RNF216: variants seen among roughly 807,000 people sequenced by gnomAD.
RNF216 encodes ring finger protein 216.
Under a neutral mutation model 110.8 loss-of-function variants are expected in RNF216, and 72 were observed. The observed-to-expected ratio is 0.65, with a 90% confidence interval of 0.54 to 0.79. The LOEUF (loss-of-function observed/expected upper bound fraction) is 0.79, where lower values mean the gene tolerates loss of function less well. Among genes scored for constraint, RNF216 ranks in the 30% least tolerant of loss-of-function variants. The pLI, the probability that RNF216 is intolerant of heterozygous loss-of-function variation, is 0.00. For synonymous variants in RNF216, 495 were observed against 407.5 expected, an observed-to-expected ratio of 1.21 and a Z score of -2.59; for missense variants, 1,342 against 1,141.2, an observed-to-expected ratio of 1.18 and a Z score of -2.54.
intron 13 of RNF216, among the ~76,000 whole-genome samples, chr7:5,684,164 G>A (rs1030750951): frequency 1.5e-5 from 2 of 136,902 alleles, no homozygotes; most frequent in African/African-American, 5.5e-5. Context: ...GTGCAGTGGC[G>A]TGATCTTGGC....
intron 1 of RNF216, among the ~76,000 whole-genome samples, chr7:5,776,357 G>C (rs1168231666): frequency 6.6e-6 from 1 of 151,886 alleles, no homozygotes; most frequent in Admixed American, 6.6e-5. Context: ...GCCAAGGCGG[G>C]CGGATCACGA....
intron 14 of RNF216, among the ~76,000 whole-genome samples, chr7:5,647,154 T>C (rs376050608): frequency 7.9e-5 from 12 of 151,926 alleles, no homozygotes; most frequent in East Asian, 5.8e-4. Flanking sequence ...CTCTGGCAGT[T>C]TTTGCCAGGT....
At chr7:5,663,824 G>T (rs1250558434) in intron 13 of RNF216, among the ~76,000 whole-genome samples, 1 of 152,092 alleles carries the variant, frequency 6.6e-6, no homozygotes, top group African/African-American at 2.4e-5. Context: ...CTTGAACCCA[G>T]AAGGCAGAGG....
intron 13 of RNF216, among the ~76,000 whole-genome samples, chr7:5,677,225 G>A (rs188728650): frequency 2.6e-5 from 4 of 152,312 alleles, no homozygotes; most frequent in South Asian, 2.1e-4. Context: ...TGCTCAGCAC[G>A]TGCTTCTGCA....
intron 14 of RNF216, 86 bp downstream of exon 14, chr7:5,652,327 G>A (rs949194862): frequency 5.9e-5 from 57 of 970,512 alleles, no homozygotes; most frequent in Non-Finnish European, 8.3e-5. Context: ...GTGTTCTTCC[G>A]ACAACAGTAT....
chr7:5,647,328 C>CTTTTTTTTTTTT (rs10617479), intron 14 of RNF216, among the ~76,000 whole-genome samples: 10 of 94,804 alleles, frequency 1.1e-4, no homozygotes, highest in South Asian at 3.8e-4. Context: ...TTCTTTCTTT[C>CTTTTTTTTTTTT]TTTTTTTTTT....
At chr7:5,651,896 C>T (rs1375181407) in intron 14 of RNF216, among the ~76,000 whole-genome samples, 1 of 152,196 alleles carries the variant, frequency 6.6e-6, no homozygotes, top group African/African-American at 2.4e-5. Flanking sequence ...ATCCGCCAGC[C>T]TCGGCCTCCC....
intron 13 of RNF216, among the ~76,000 whole-genome samples, chr7:5,678,806 T>C (rs1388973654): frequency 6.6e-6 from 1 of 152,226 alleles, no homozygotes; most frequent in African/African-American, 2.4e-5. Context: ...ATTTCTCGAC[T>C]CCACTTCATC....
chr7:5,633,631 C>A (rs1787215222), intron 15 of RNF216, among the ~76,000 whole-genome samples: 1 of 152,158 alleles, frequency 6.6e-6, no homozygotes, highest in Non-Finnish European at 1.5e-5. Flanking sequence ...TGCATTTTAA[C>A]AGGGAGGGAG....
chr7:5,652,285 C>T (rs545814803), intron 14 of RNF216, 128 bp downstream of exon 14: 1 of 675,958 alleles, frequency 1.5e-6, no homozygotes, highest in African/African-American at 1.8e-5. Context: ...GATTACTTCC[C>T]CAAGATCACT....
intron 3 of RNF216, among the ~76,000 whole-genome samples, chr7:5,743,642 A>G (rs754768781): frequency 6.6e-6 from 1 of 152,228 alleles, no homozygotes; most frequent in Non-Finnish European, 1.5e-5. Flanking sequence ...AAAAGTATGT[A>G]TATGTACCCA....
chr7:5,628,551 C>G (rs1438243168), intron 15 of RNF216, among the ~76,000 whole-genome samples: 1 of 152,152 alleles, frequency 6.6e-6, no homozygotes, highest in Non-Finnish European at 1.5e-5. Flanking sequence ...GAGACAGTGT[C>G]TTGCTCTGCT....
intron 13 of RNF216, among the ~76,000 whole-genome samples, chr7:5,697,506 T>C (rs571307928): frequency 4.6e-5 from 7 of 152,340 alleles, no homozygotes; most frequent in East Asian, 1.9e-4. Flanking sequence ...CAAACCCTCA[T>C]TGGCCTCTTC....
At position 5,781,210 on chromosome 7, in the gene RNF216, G is replaced by T. The variant is rs537446565; in HGVS notation, c.-70+331C>A. Among the ~76,000 whole-genome samples, 4 of 152,282 alleles carry T rather than the reference G, an allele frequency of 2.6e-5. 2 individuals carry two copies. Among genetic ancestry groups the T allele is most frequent in the African/African-American group, 9.6e-5 (4 of 41,568 alleles). On this transcript the variant is annotated intron_variant, in intron 1 of 16. Coordinates refer to ENST00000389902, the MANE Select transcript of RNF216 (RefSeq NM_207111.4). ...CCTCCGCGGCGGCCTCGGGCCCGGG[G>T]GAGGGAAGCGCGGTCTCCCGGGCTG... is the stretch of plus-strand genomic sequence containing the variant.
At chr7:5,656,819 C>G (rs1288064479) in intron 13 of RNF216, among the ~76,000 whole-genome samples, 1 of 152,070 alleles carries the variant, frequency 6.6e-6, no homozygotes, top group Non-Finnish European at 1.5e-5. Context: ...TCCAGATGAC[C>G]CTATCATGAT....
In RNF216 at chr7:5,622,647, C is replaced by T. The variant is rs1225544699; in HGVS notation, c.*213G>A. On this transcript the variant is annotated 3_prime_UTR_variant, in exon 17 of 17. Coordinates refer to ENST00000389902, the MANE Select transcript of RNF216 (RefSeq NM_207111.4). ...GAGGGGCAGTTCACATCGCAGCTCT[C>T]TCCGAACTCCACCATTTGGGACGTC... The T allele has an allele frequency of 1.2e-5, 7 of 567,494 alleles. No homozygotes were observed. The highest frequency in any genetic ancestry group is 1.9e-5 in the Non-Finnish European group (6 of 320,924). 35.2% of individuals were successfully genotyped at this position (567,494 alleles called of 1,614,324 possible). A position where few individuals can be genotyped will look rare whatever the true frequency, so the allele number is the denominator to read the frequency against.
intron 5 of RNF216, among the ~76,000 whole-genome samples, chr7:5,731,090 T>C (rs191348176): frequency 1.6e-4 from 24 of 152,360 alleles, no homozygotes; most frequent in Middle Eastern, 3.4e-3. Context: ...TGGGTGTTAA[T>C]GTAATGAAGT....
chr7:5,763,604 T>A (rs1256307754), intron 1 of RNF216, among the ~76,000 whole-genome samples: 1 of 152,116 alleles, frequency 6.6e-6, no homozygotes, highest in African/African-American at 2.4e-5. Flanking sequence ...CCAGTCTCTC[T>A]CTGTCATCCT....
At chr7:5,729,717 A>G in intron 6 of RNF216, 121 bp from the exon 7 acceptor site, 1 of 865,132 alleles carries the variant, frequency 1.2e-6, no homozygotes, top group Non-Finnish European at 1.8e-6. Flanking sequence ...CTCTATAAGG[A>G]AGTTACCAGC....
Sources: gnomAD v4.1 joint callset for allele counts (sites outside exome capture counted in the v4.1 genomes callset) on GRCh38, gnomAD v4.1.1 for gene constraint, MANE v1.5 for transcripts, NCBI Gene and HGNC (gene_info 2026-07-23, HGNC 2026-07-21) for gene names.